Variants in PCDHAC2 observed in about 807,000 individuals in gnomAD.
PCDHAC2 encodes protocadherin alpha-C2.
In PCDHAC2, 24 loss-of-function variants were observed where a neutral mutation model predicts 63.3. The ratio of observed to expected loss-of-function variants is 0.38; its 90% CI spans 0.27 to 0.53. The LOEUF is 0.53. PCDHAC2 is among the 20% of genes least tolerant of loss of function. The probability of loss-of-function intolerance (pLI) is 0.81; values close to 1 mark genes in which losing one functional copy is unlikely to be tolerated. For synonymous variants in PCDHAC2, 569 were observed against 529.4 expected (o/e 1.07, Z -1.03); for missense variants, 1,181 against 1,275.2 (o/e 0.93, Z 1.12).
At chr5:140,985,104 AT>A (rs2097137151) in intron 3 of PCDHAC2, among the ~76,000 whole-genome samples, 1 of 151,914 alleles carries the variant, frequency 6.6e-6, no homozygotes, top group African/African-American at 2.4e-5. Context: ...AGCCTGGCTA[AT>A]TTTTTGTGTT....
At chr5:141,009,494 A>T in intron 3 of PCDHAC2, 133 bp from the exon 4 acceptor site, 1 of 1,488,918 alleles carries the variant, frequency 6.7e-7, no homozygotes, top group South Asian at 1.4e-5. Flanking sequence ...TTGCCCTCAG[A>T]CTTGAACAAA....
chr5:141,000,421 A>ATTTTTTTTTTTTT (rs34755515), intron 3 of PCDHAC2, among the ~76,000 whole-genome samples: 1 of 27,968 alleles, frequency 3.6e-5, no homozygotes, highest in African/African-American at 1.8e-4. Flanking sequence ...ATATATATAT[A>ATTTTTTTTTTTTT]TTTTTTTTTT....
chr5:141,000,365 C>CTG (rs2097904906), intron 3 of PCDHAC2, among the ~76,000 whole-genome samples: 2 of 12,832 alleles, frequency 1.6e-4, no homozygotes, highest in Non-Finnish European at 2.6e-4. Flanking sequence ...CTCTCTGTCT[C>CTG]TCTCTCTCTC....
chr5:140,968,266 G>A lies in PCDHAC2; in HGVS notation c.1500G>A (p.Glu500=). 1 of 1,614,080 alleles carries A rather than the reference G, an allele frequency of 6.2e-7. No homozygotes were observed. The highest frequency in any genetic ancestry group is 8.5e-7 in the Non-Finnish European group (1 of 1,179,964). Residue 500 remains glutamate, a synonymous_variant, in exon 1 of 4, where the codon GAG becomes GAA. Coordinates refer to ENST00000289269, the MANE Select transcript of PCDHAC2 (RefSeq NM_018899.6). ...AAGCCACAGACCCAGATGAAAAGGAGAATGCAGAGGTGACCTACTCCCTTC... is the reference window on the plus strand; with the variant it reads ...AAGCCACAGACCCAGATGAAAAGGAAAATGCAGAGGTGACCTACTCCCTTC... ...TVQATDPDEK[E]NAEVTYSLLE...
Position 141,010,239 on chromosome 5 carries a change from G to A in PCDHAC2, c.*302G>A. ...AGGCTTCCCAGCCCCGCCAGTGAGA[G>A]GTTGGACTCTCTGCCCTGTGCTCCG... On this transcript the variant is annotated 3_prime_UTR_variant, in exon 4 of 4. Transcript: ENST00000289269. 1 of 1,551,938 alleles carries A rather than the reference G, an allele frequency of 6.4e-7. No homozygotes were observed. Among genetic ancestry groups the A allele is most frequent in the Non-Finnish European group, 8.7e-7 (1 of 1,147,044 alleles).
At chr5:140,993,459 TTCTCAC>T (rs2097559303) in intron 3 of PCDHAC2, among the ~76,000 whole-genome samples, 1 of 83,038 alleles carries the variant, frequency 1.2e-5, no homozygotes, top group African/African-American at 4.6e-5. Context: ...CCTTCTTTCT[TTCTCAC>T]ACACACACAC....
chr5:140,987,225 A>AT (rs1451600480), intron 3 of PCDHAC2, among the ~76,000 whole-genome samples: 11 of 143,044 alleles, frequency 7.7e-5, no homozygotes, highest in Non-Finnish European at 1.0e-4. Context: ...AAAAAAAAAA[A>AT]AATAATAAAT....
intron 3 of PCDHAC2, among the ~76,000 whole-genome samples, chr5:140,999,034 T>A (rs953509791): frequency 6.6e-6 from 1 of 152,210 alleles, no homozygotes; most frequent in East Asian, 1.9e-4. Flanking sequence ...TGATACTTCG[T>A]CCAGTGTGCT....
At chr5:140,995,924 G>A (rs998405229) in intron 3 of PCDHAC2, among the ~76,000 whole-genome samples, 16 of 152,308 alleles carry the variant, frequency 1.1e-4, no homozygotes, top group African/African-American at 3.8e-4. Flanking sequence ...ATAGGCTGTT[G>A]TAAGTATTAA....
intron 3 of PCDHAC2, among the ~76,000 whole-genome samples, chr5:140,996,834 A>G (rs527764387): frequency 1.7e-4 from 26 of 152,374 alleles, no homozygotes; most frequent in Middle Eastern, 3.4e-3. Flanking sequence ...CCAATAATTT[A>G]GCGTGCATCT....
intron 2 of PCDHAC2, among the ~76,000 whole-genome samples, chr5:140,979,795 A>G (rs781835728): frequency 6.6e-6 from 1 of 152,264 alleles, no homozygotes. Flanking sequence ...GAAACAAATG[A>G]TCACAACTAT....
intron 3 of PCDHAC2, among the ~76,000 whole-genome samples, chr5:141,003,410 C>T (rs1282162216): frequency 1.3e-5 from 2 of 152,110 alleles, no homozygotes; most frequent in Non-Finnish European, 2.9e-5. Flanking sequence ...CTCCCGGGTT[C>T]GAGTGATTCT....
chr5:140,968,465 G>A lies in PCDHAC2; in HGVS notation c.1699G>A (p.Val567Ile), dbSNP rs782606184. The change falls in exon 1 of 4, where the codon GTA becomes ATA. Residue 567 changes from valine (V) to isoleucine (I), a missense_variant. Coordinates refer to ENST00000289269, the MANE Select transcript of PCDHAC2 (RefSeq NM_018899.6). ...ACTGAGCAGCACTGTGACTGCCAACGTATATGTGGTGGACATGAATGACCA... is the reference window on the plus strand; with the variant it reads ...ACTGAGCAGCACTGTGACTGCCAACATATATGTGGTGGACATGAATGACCA... ...PPLSSTVTANVYVVDMNDHAP... is the reference protein window; with the variant it reads ...PPLSSTVTANIYVVDMNDHAP... 78 of 1,614,004 alleles carry A rather than the reference G, an allele frequency of 4.8e-5. No individual in the cohort carries two copies. Among genetic ancestry groups the A allele is most frequent in the Non-Finnish European group, 6.1e-5 (72 of 1,180,028 alleles).
In PCDHAC2 at chr5:140,981,860, A is replaced by C. The variant is rs377325751; in HGVS notation, c.2625-615A>C. On this transcript the variant is annotated intron_variant, in intron 2 of 3. Coordinates refer to ENST00000289269, the MANE Select transcript of PCDHAC2 (RefSeq NM_018899.6). ...TCCCAGTTTGTATCTCACTCCCAGC[A>C]ATGTTTTATGCTGAATTAATCTCTT... Among the ~76,000 whole-genome samples the C allele has an allele frequency of 1.1e-3, 166 of 152,246 alleles. 1 individual carries two copies. The highest frequency in any genetic ancestry group is 3.9e-3 in the African/African-American group (160 of 41,532).
chr5:141,007,812 G>C (rs1446053616), intron 3 of PCDHAC2, among the ~76,000 whole-genome samples: 2 of 152,078 alleles, frequency 1.3e-5, no homozygotes, highest in Non-Finnish European at 2.9e-5. Context: ...CCATTCATTT[G>C]CCTTCCCCCA....
intron 3 of PCDHAC2, 49 bp downstream of exon 3, chr5:140,982,612 C>A (rs782489208): frequency 6.3e-7 from 1 of 1,599,358 alleles, no homozygotes; most frequent in Admixed American, 1.7e-5. Context: ...GGAAAGTGAT[C>A]AGATGACCTA....
At chr5:140,973,886 T>C (rs887432391) in intron 1 of PCDHAC2, among the ~76,000 whole-genome samples, 2 of 152,242 alleles carry the variant, frequency 1.3e-5, no homozygotes, top group African/African-American at 4.8e-5. Flanking sequence ...TAATGTCAAT[T>C]TGCAAATGTT....
At chr5:140,999,713 G>A (rs533034174) in intron 3 of PCDHAC2, among the ~76,000 whole-genome samples, 2 of 152,226 alleles carry the variant, frequency 1.3e-5, no homozygotes, top group South Asian at 4.2e-4. Flanking sequence ...AGCTAACTAC[G>A]GAGACCAGCC....
chr5:140,981,895 G>A (rs2153826767), intron 2 of PCDHAC2, among the ~76,000 whole-genome samples: 1 of 152,252 alleles, frequency 6.6e-6, no homozygotes, highest in East Asian at 1.9e-4. Flanking sequence ...TCTGAGCGGG[G>A]ATCTGTGAGT....
Sources: gnomAD v4.1 joint callset for allele counts (sites outside exome capture counted in the v4.1 genomes callset) on GRCh38, gnomAD v4.1.1 for gene constraint, MANE v1.5 for transcripts, NCBI Gene and HGNC (gene_info 2026-07-23, HGNC 2026-07-21) for gene names.